Variants in SKP2 observed in about 807,000 individuals in gnomAD.
The protein encoded by SKP2 is S-phase kinase-associated protein 2.
In SKP2, 16 loss-of-function variants were observed where a neutral mutation model predicts 51.8. The observed-to-expected ratio is 0.31, with a 90% CI of 0.21 to 0.47. The LOEUF is 0.47. SKP2 is among the 20% of genes least tolerant of loss of function. SKP2 has a pLI of 1.00. For missense variants in SKP2, 377 were observed against 505.3 expected (o/e 0.75, Z 2.43); for synonymous variants, 176 against 198.6 (o/e 0.89, Z 0.96).
intron 5 of SKP2, among the ~76,000 whole-genome samples, chr5:36,169,607 C>A (rs919434367): frequency 6.6e-6 from 1 of 152,156 alleles, no homozygotes; most frequent in Non-Finnish European, 1.5e-5. Context: ...TGTGTTCGTT[C>A]AAGTGAGAAA....
chr5:36,161,573 G>C (rs155542), intron 2 of SKP2, among the ~76,000 whole-genome samples: 3 of 152,206 alleles, frequency 2.0e-5, no homozygotes, highest in African/African-American at 4.8e-5. Context: ...ACAAACCTAG[G>C]AAAACTAGTT....
Position 36,182,105 on chromosome 5 carries a change from T to A in SKP2, c.*74T>A. ...CAGGAAGCCCAATTGCTGGAGTACT[T>A]AGCTAGTTTTATTCTTGGTTTTCCC... On this transcript the variant is annotated 3_prime_UTR_variant, in exon 10 of 10. Coordinates refer to ENST00000274255, the MANE Select transcript of SKP2 (RefSeq NM_005983.4). 6.5e-7 allele frequency: 1 copy of A among 1,545,424 alleles called. No homozygotes were observed. The highest frequency in any genetic ancestry group is 8.7e-7 in the Non-Finnish European group (1 of 1,144,308).
At position 36,181,978 on chromosome 5, in the gene SKP2, G is replaced by C. The variant is rs1401881278; in HGVS notation, c.1222G>C (p.Glu408Gln). ...RPTIGNKKNQEIWGIKCRLTL... is the reference protein window; with the variant it reads ...RPTIGNKKNQQIWGIKCRLTL... ...AACTATTGGCAACAAAAAGAACCAG[G>C]AGATATGGGGCATCAAATGCCGACT... The change falls in exon 10 of 10, where the codon GAG becomes CAG. Residue 408 changes from glutamate to glutamine, a missense_variant. Around this residue, in one of 2 missense-constraint regions of SKP2, gnomAD observed 262 missense variants for 389.8 expected, o/e 0.67. Transcript: ENST00000274255. 1 of 1,614,120 alleles carries C rather than the reference G, an allele frequency of 6.2e-7. No homozygotes were observed. Among genetic ancestry groups the C allele is most frequent in the East Asian group, 2.2e-5 (1 of 44,874 alleles).
intron 8 of SKP2, 42 bp downstream of exon 8, chr5:36,177,058 T>C: frequency 1.4e-6 from 2 of 1,442,168 alleles, no homozygotes; most frequent in Non-Finnish European, 1.9e-6. Context: ...AGTTGAAAAA[T>C]CTTGATTTCT....
At chr5:36,172,829 T>A (rs2111991186) in intron 7 of SKP2, among the ~76,000 whole-genome samples, 1 of 152,252 alleles carries the variant, frequency 6.6e-6, no homozygotes, top group Non-Finnish European at 1.5e-5. Context: ...AACACTTGCA[T>A]TTTCAGACAA....
At position 36,182,164 on chromosome 5, in the gene SKP2, A is replaced by AT. The variant is rs1212005162; in HGVS notation, c.*136dup. ...CATTCTGCAAGTATACTAGGGAGCC[A>AT]TTTGAGAGGGAAAACTATGAAATCT... is the stretch of plus-strand genomic sequence containing the variant. On this transcript the variant is annotated 3_prime_UTR_variant, in exon 10 of 10. Transcript: ENST00000274255. The AT allele has an allele frequency of 5.6e-6, 8 of 1,435,376 alleles. No individual in the cohort carries two copies. The highest frequency in any genetic ancestry group is 7.3e-6 in the Non-Finnish European group (8 of 1,097,748). 88.9% of individuals were successfully genotyped at this position (1,435,376 alleles called of 1,614,324 possible).
Position 36,166,565 on chromosome 5 carries a change from C to G in SKP2, c.439C>G (p.Leu147Val). 6.2e-7 allele frequency: 1 copy of G among 1,614,016 alleles called. No homozygotes were observed. The highest frequency in any genetic ancestry group is 8.5e-7 in the Non-Finnish European group (1 of 1,179,914). The change falls in exon 4 of 10, where the codon CTG (leucine) becomes GTG (valine). Residue 147 changes from leucine (L) to valine (V), a missense_variant. Coordinates refer to ENST00000274255, the MANE Select transcript of SKP2 (RefSeq NM_005983.4). ...GACCTTAGACCTCACAGGTAAAAAT[C>G]TGCACCCGGATGTGACTGGTCGGTT... is the stretch of plus-strand genomic sequence containing the variant. ...WQTLDLTGKN[L>V]HPDVTGRLLS...
Position 36,152,225 on chromosome 5 carries a change from T to C in SKP2, c.-38T>C. The C allele has an allele frequency of 6.2e-7, 1 of 1,612,328 alleles. No individual in the cohort carries two copies. The highest frequency in any genetic ancestry group is 8.5e-7 in the Non-Finnish European group (1 of 1,178,456). On this transcript the variant is annotated 5_prime_UTR_variant, in exon 1 of 10. Transcript: ENST00000274255. ...TCTGGGAGGCGAGCAGCTCTGCAGT[T>C]AATGCACGTATTTTAAACTCCCGGG...
chr5:36,190,202 T>C (rs2112026744), intron 6 of SKP2, among the ~76,000 whole-genome samples: 1 of 151,708 alleles, frequency 6.6e-6, no homozygotes, highest in South Asian at 2.1e-4. Context: ...CTTCAGCTCA[T>C]GCTCGGTGTG....
In SKP2 at chr5:36,168,367, C is replaced by T; in HGVS notation, c.591C>T (p.Thr197=). Residue 197 remains threonine, a synonymous_variant, in exon 5 of 10, where the codon ACC becomes ACT. Coordinates refer to ENST00000274255, the MANE Select transcript of SKP2 (RefSeq NM_005983.4). The part of the protein sequence containing the change: ...DLSNSVIEVS[T]LHGILSQCSK... ...CGAACTCAGTTATAGAAGTGTCCACCCTCCACGGCATACTGTCTCAGTGTT... is the reference window on the plus strand; with the variant it reads ...CGAACTCAGTTATAGAAGTGTCCACTCTCCACGGCATACTGTCTCAGTGTT... 6.2e-6 allele frequency: 10 copies of T among 1,614,004 alleles called. No individual in the cohort carries two copies. The highest frequency in any genetic ancestry group is 8.5e-6 in the Non-Finnish European group (10 of 1,179,902).
intron 2 of SKP2, among the ~76,000 whole-genome samples, chr5:36,163,208 C>T (rs1306195086): frequency 6.6e-6 from 1 of 152,110 alleles, no homozygotes; most frequent in Non-Finnish European, 1.5e-5. Flanking sequence ...TCCTTTGCAC[C>T]CAGAAGCACC....
chr5:36,189,132 T>G (rs1451123311), downstream of SKP2, among the ~76,000 whole-genome samples: 1 of 152,182 alleles, frequency 6.6e-6, no homozygotes, highest in East Asian at 1.9e-4. Context: ...TCGTCTAATC[T>G]TTTTTCAAAG....
chr5:36,172,678 T>A (rs951078763), intron 7 of SKP2, among the ~76,000 whole-genome samples: 1 of 152,202 alleles, frequency 6.6e-6, no homozygotes, highest in African/African-American at 2.4e-5. Context: ...ATTTAAGTAG[T>A]ATAAAACTAC....
At chr5:36,167,767 C>CCT (rs1745334198) in intron 4 of SKP2, among the ~76,000 whole-genome samples, 1 of 152,072 alleles carries the variant, frequency 6.6e-6, no homozygotes, top group Non-Finnish European at 1.5e-5. Flanking sequence ...TACAGGTGTG[C>CCT]GCCACCACGC....
intron 2 of SKP2, among the ~76,000 whole-genome samples, chr5:36,157,539 G>A (rs540945326): frequency 2.0e-4 from 31 of 152,290 alleles, no homozygotes; most frequent in Non-Finnish European, 3.4e-4. Context: ...GTGGGAAGAG[G>A]AAGGAGAACT....
At chr5:36,173,725 G>T (rs1745546341) in intron 7 of SKP2, among the ~76,000 whole-genome samples, 1 of 152,142 alleles carries the variant, frequency 6.6e-6, no homozygotes, top group Non-Finnish European at 1.5e-5. Flanking sequence ...ACACATTCAG[G>T]ACAGAGAGAC....
intron 6 of SKP2, among the ~76,000 whole-genome samples, chr5:36,170,984 A>G (rs1445298872): frequency 1.3e-5 from 2 of 152,208 alleles, no homozygotes; most frequent in African/African-American, 4.8e-5. Context: ...CTTGGTCTCC[A>G]TGGTACAGCA....
chr5:36,168,266 AC>A, intron 4 of SKP2, 46 bp from the exon 5 acceptor site: 1 of 1,590,854 alleles, frequency 6.3e-7, no homozygotes, highest in Non-Finnish European at 8.6e-7. Flanking sequence ...AATTGGATGT[AC>A]CCGTGAGAGC....
downstream of SKP2, among the ~76,000 whole-genome samples, chr5:36,188,412 C>T (rs980303513): frequency 6.6e-6 from 1 of 152,194 alleles, no homozygotes. Flanking sequence ...GGAGCTCTTG[C>T]AGGGCAGGCC....
Sources: allele counts gnomAD v4.1 joint callset (sites outside exome capture counted in the v4.1 genomes callset), GRCh38; gene constraint gnomAD v4.1.1; regional missense constraint gnomAD v4.1.1; transcripts MANE v1.5; gene names NCBI Gene and HGNC (gene_info 2026-07-23, HGNC 2026-07-21).